The following DNM1L variants were observed in gnomAD, a reference collection of about 807,000 sequenced individuals.
DNM1L encodes dynamin 1L, also known as dynamin-1-like protein.
A neutral mutation model predicts 92.8 loss-of-function variants in DNM1L; 33 were observed. That is an observed-to-expected ratio of 0.36 (90% CI 0.27 to 0.48). The LOEUF (loss-of-function observed/expected upper bound fraction) is 0.48. DNM1L is among the 20% of genes least tolerant of loss of function. DNM1L has a pLI of 0.99. For missense variants in DNM1L, 485 were observed against 888.8 expected, an observed-to-expected ratio of 0.55 and a Z score of 5.78; for synonymous variants, 284 against 305.0, an observed-to-expected ratio of 0.93 and a Z score of 0.72.
intron 1 of DNM1L, among the ~76,000 whole-genome samples, chr12:32,691,956 TAGG>T (rs1298885747): frequency 1.3e-5 from 2 of 151,080 alleles, no homozygotes; most frequent in East Asian, 1.9e-4. Flanking sequence ...TAAATTGAAA[TAGG>T]AGGGAGGAAA....
intron 1 of DNM1L, chr12:32,680,114 C>T: frequency 1.4e-6 from 1 of 698,828 alleles, no homozygotes; most frequent in Non-Finnish European, 1.8e-6. Flanking sequence ...AAGGAATATC[C>T]GATTTTTCTG....
At chr12:32,708,394 A>G (rs1012317013) in intron 4 of DNM1L, among the ~76,000 whole-genome samples, 170 bp downstream of exon 4, 2 of 152,236 alleles carry the variant, frequency 1.3e-5, no homozygotes, top group African/African-American at 2.4e-5. Context: ...CAAATGGAGT[A>G]TTTTCACAGA....
At chr12:32,707,788 A>T (rs1952983017) in intron 3 of DNM1L, among the ~76,000 whole-genome samples, 1 of 152,058 alleles carries the variant, frequency 6.6e-6, no homozygotes, top group Admixed American at 6.6e-5. Context: ...TGTCTCTATA[A>T]AAACTAAAAA....
At position 32,740,199 on chromosome 12, in the gene DNM1L, G is replaced by C. The variant is rs374816038; in HGVS notation, c.1843G>C (p.Ala615Pro). 3 of 1,614,028 alleles carry C rather than the reference G, an allele frequency of 1.9e-6. No individual in the cohort carries two copies. Among genetic ancestry groups the C allele is most frequent in the African/African-American group, 2.7e-5 (2 of 74,916 alleles). The change falls in exon 17 of 20, where the codon GCC (alanine) becomes CCC (proline). Residue 615 changes from alanine (A) to proline (P), a missense_variant. By Grantham distance (27) the Ala-to-Pro change is conservative. Coordinates refer to ENST00000549701, the MANE Select transcript of DNM1L (RefSeq NM_012062.5). ...ATCAAAACCCATTCCAATTATGCCA[G>C]CCAGTCCACAAAAAGGTCATGCCGT... is the stretch of plus-strand genomic sequence containing the variant. Reference protein sequence around the residue: ...EKSKPIPIMPASPQKGHAVNL... With the variant: ...EKSKPIPIMPPSPQKGHAVNL...
At chr12:32,735,740 G>C (rs1954826140) in intron 13 of DNM1L, among the ~76,000 whole-genome samples, 1 of 152,026 alleles carries the variant, frequency 6.6e-6, no homozygotes, top group African/African-American at 2.4e-5. Flanking sequence ...TTAGCCGGGG[G>C]TGGTGGATGC....
rs1420030195 is a variant in DNM1L, at chr12:32,713,310, T to C, written c.558T>C (p.Ala186=). The C allele has an allele frequency of 4.3e-6, 7 of 1,613,964 alleles. No individual in the cohort carries two copies. The highest frequency in any genetic ancestry group is 5.9e-6 in the Non-Finnish European group (7 of 1,179,954). Residue 186 remains alanine (A), a synonymous_variant, in exon 6 of 20, where the codon GCT becomes GCC. Coordinates refer to ENST00000549701, the MANE Select transcript of DNM1L (RefSeq NM_012062.5). ...NPNSIILAVT[A]ANTDMATSEA... is the part of the protein sequence containing the mutation. ...ATTCCATTATCCTCGCTGTCACTGC[T>C]GCTAATACAGATATGGCAACATCAG...
intron 1 of DNM1L, among the ~76,000 whole-genome samples, chr12:32,686,272 C>T (rs1293300695): frequency 2.6e-5 from 4 of 152,104 alleles, no homozygotes; most frequent in Admixed American, 6.5e-5. Context: ...GTCTCAAACT[C>T]ATGACCTCAG....
chr12:32,707,450 A>C (rs962180979), intron 3 of DNM1L, 37 bp downstream of exon 3: 1 of 1,436,002 alleles, frequency 7.0e-7, no homozygotes, highest in Non-Finnish European at 9.5e-7. Context: ...AATAATGTTG[A>C]AAAAAATATA....
At position 32,740,112 on chromosome 12, in the gene DNM1L, A is replaced by G. The variant is rs1470456176; in HGVS notation, c.1756A>G (p.Thr586Ala). Residue 586 changes from threonine (T) to alanine (A), a missense_variant, in exon 17 of 20, where the codon ACA becomes GCA. Transcript: ENST00000549701. The part of the protein sequence containing the change: ...GVGDGVQEPT[T>A]GNWRGMLKTS... Reference sequence around the variant, plus strand: ...TGGAGATGGTGTTCAAGAACCAACCACAGGCAACTGGAGAGGAATGCTGAA... The same window carrying G: ...TGGAGATGGTGTTCAAGAACCAACCGCAGGCAACTGGAGAGGAATGCTGAA... 2 of 1,614,102 alleles carry G rather than the reference A, an allele frequency of 1.2e-6. No individual in the cohort carries two copies. Among genetic ancestry groups the G allele is most frequent in the African/African-American group, 2.7e-5 (2 of 74,944 alleles).
intron 1 of DNM1L, chr12:32,692,493 T>C (rs1164465033): frequency 6.6e-6 from 1 of 152,562 alleles, no homozygotes; most frequent in Non-Finnish European, 1.5e-5. Context: ...ACAAAAGCAG[T>C]TCATATCATT....
chr12:32,717,852 A>AT lies in DNM1L; in HGVS notation c.620-791_620-790insT, dbSNP rs1491548720. On this transcript the variant is annotated intron_variant, in intron 6 of 19. Coordinates refer to ENST00000549701, the MANE Select transcript of DNM1L (RefSeq NM_012062.5). ...ATAGTATATACTATATATATTTTAT[A>AT]AATATACTATATATAGTATATACTA... Among the ~76,000 whole-genome samples the AT allele has an allele frequency of 1.1e-3, 93 of 84,064 alleles. 2 individuals carry two copies. The highest frequency in any genetic ancestry group is 3.1e-3 in the African/African-American group (60 of 19,336). The allele number at this position is 84,064 out of a possible 152,430, so 55.1% of individuals were successfully genotyped here.
At chr12:32,708,287 T>C in intron 4 of DNM1L, 63 bp downstream of exon 4, 1 of 1,083,926 alleles carries the variant, frequency 9.2e-7, no homozygotes, top group East Asian at 2.4e-5. Flanking sequence ...AGGTATTCTG[T>C]ACATAATATG....
chr12:32,722,724 T>C (rs1226137122), intron 9 of DNM1L, 91 bp downstream of exon 9: 1 of 949,766 alleles, frequency 1.1e-6, no homozygotes, highest in Non-Finnish European at 1.6e-6. Flanking sequence ...GATTATCTGA[T>C]TAAGATTTAT....
At chr12:32,722,295 A>G in intron 8 of DNM1L, 132 bp from the exon 9 acceptor site, 1 of 764,326 alleles carries the variant, frequency 1.3e-6, no homozygotes, top group Non-Finnish European at 2.2e-6. Context: ...AAGACCAAAT[A>G]TATATTTCAC....
chr12:32,690,311 G>T (rs1952184237), intron 1 of DNM1L, among the ~76,000 whole-genome samples: 2 of 152,156 alleles, frequency 1.3e-5, no homozygotes, highest in South Asian at 4.1e-4. Context: ...GGTAGATTTA[G>T]TTGAAAGGCC....
At chr12:32,726,738 G>A in intron 9 of DNM1L, 1 of 621,060 alleles carries the variant, frequency 1.6e-6, no homozygotes, top group Non-Finnish European at 2.9e-6. Flanking sequence ...CTGCTTAATG[G>A]TTTTCAAAAT....
At chr12:32,736,221 G>A (rs999194562) in intron 13 of DNM1L, among the ~76,000 whole-genome samples, 6 of 151,654 alleles carry the variant, frequency 4.0e-5, no homozygotes, top group East Asian at 2.0e-4. Context: ...ACAGGTGTGC[G>A]GCACCATGCC....
chr12:32,733,779 C>T lies in DNM1L; in HGVS notation c.1511C>T (p.Ala504Val). The stretch of plus-strand genomic sequence containing the variant: ...ACAAAACATCCAGACTTTGCTGATG[C>T]TTGTGGGCTAATGAACAATAATATA... The part of the protein sequence containing the change: ...INTKHPDFAD[A>V]CGLMNNNIEE... The change falls in exon 13 of 20, where the codon GCT (alanine) becomes GTT (valine). Residue 504 changes from alanine to valine, a missense_variant. Transcript: ENST00000549701. The T allele has an allele frequency of 6.2e-7, 1 of 1,613,870 alleles. No homozygotes were observed. The highest frequency in any genetic ancestry group is 8.5e-7 in the Non-Finnish European group (1 of 1,179,902).
intron 1 of DNM1L, chr12:32,679,740 A>G: frequency 8.8e-7 from 1 of 1,136,558 alleles, no homozygotes; most frequent in Non-Finnish European, 1.1e-6. Flanking sequence ...GGGACAGGAG[A>G]GGGAAGGATG....
Sources: allele counts gnomAD v4.1 joint callset (sites outside exome capture counted in the v4.1 genomes callset), GRCh38; gene constraint gnomAD v4.1.1; transcripts MANE v1.5; gene names NCBI Gene and HGNC (gene_info 2026-07-23, HGNC 2026-07-21).